AK3: variants seen among roughly 807,000 people sequenced by gnomAD.
AK3 encodes the protein adenylate kinase 3.
In AK3, 27 loss-of-function variants were observed where a neutral mutation model predicts 23.7. The ratio of observed to expected loss-of-function variants is 1.14; its 90% CI spans 0.84 to 1.57. The LOEUF (loss-of-function observed/expected upper bound fraction) is 1.57. Ranked by LOEUF, AK3 falls within the 40% of genes most tolerant of loss-of-function variation. AK3 has a pLI of 0.00. For missense variants in AK3, 406 were observed against 285.6 expected, an observed-to-expected ratio of 1.42 and a Z score of -3.04; for synonymous variants, 159 against 116.0, an observed-to-expected ratio of 1.37 and a Z score of -2.38.
Position 4,714,994 on chromosome 9 carries a change from G to T in AK3, c.564-1898C>A, listed in dbSNP as rs138693087. 4.9e-3 allele frequency among the ~76,000 whole-genome samples: 750 copies of T among 152,118 alleles called. 2 individuals are homozygous for T. The highest frequency in any genetic ancestry group is 0.017 in the African/African-American group (710 of 41,498). ...AGCACTTTGGGAGGCCAAGGAGGGT[G>T]GATCACTTGAGGTCAGGAGTTCAAG... On this transcript the variant is annotated intron_variant, in intron 4 of 4. Transcript: ENST00000381809.
chr9:4,729,530 G>C (rs1267711549), intron 1 of AK3, among the ~76,000 whole-genome samples: 2 of 151,894 alleles, frequency 1.3e-5, no homozygotes. Context: ...CTCGCTATAT[G>C]CCCATGAGAA....
At chr9:4,717,668 T>C (rs1323591017) in intron 4 of AK3, among the ~76,000 whole-genome samples, 2 of 152,226 alleles carry the variant, frequency 1.3e-5, no homozygotes, top group East Asian at 1.9e-4. Context: ...TGTACAACCA[T>C]CCTGCTTTTC....
chr9:4,740,882 G>T, intron 1 of AK3, 55 bp downstream of exon 1: 2 of 1,426,010 alleles, frequency 1.4e-6, no homozygotes, highest in Non-Finnish European at 9.2e-7. Flanking sequence ...CCCCTCGCCC[G>T]CGAAGTCCGA....
intron 2 of AK3, among the ~76,000 whole-genome samples, chr9:4,719,893 C>T (rs1841847318): frequency 1.3e-5 from 2 of 152,052 alleles, no homozygotes; most frequent in Admixed American, 1.3e-4. Flanking sequence ...TGGTGAAATC[C>T]CATCTCTACA....
Position 4,712,803 on chromosome 9 carries a change from A to G in AK3, c.*173T>C. ...TAGATGATTTCAAACGATGCATCTT[A>G]GTATCCGAATCATTTGGCACATCCT... On this transcript the variant is annotated 3_prime_UTR_variant, in exon 5 of 5. Coordinates refer to ENST00000381809, the MANE Select transcript of AK3 (RefSeq NM_016282.4). The G allele has an allele frequency of 1.6e-6, 1 of 641,128 alleles. No homozygotes were observed. The highest frequency in any genetic ancestry group is 2.5e-6 in the Non-Finnish European group (1 of 407,222). The allele number at this position is 641,128 out of a possible 1,614,324, so 39.7% of individuals were successfully genotyped here.
At chr9:4,714,983 C>T (rs1277245608) in intron 4 of AK3, among the ~76,000 whole-genome samples, 2 of 151,962 alleles carry the variant, frequency 1.3e-5, no homozygotes, top group African/African-American at 2.4e-5. Flanking sequence ...CTTTGGGAGG[C>T]CAAGGAGGGT....
intron 1 of AK3, among the ~76,000 whole-genome samples, chr9:4,730,296 A>G (rs1842123174): frequency 6.6e-6 from 1 of 152,210 alleles, no homozygotes; most frequent in Non-Finnish European, 1.5e-5. Flanking sequence ...AAACCACTGA[A>G]TCATACACTT....
intron 1 of AK3, among the ~76,000 whole-genome samples, chr9:4,734,546 A>C (rs1183885607): frequency 1.3e-5 from 2 of 152,220 alleles, no homozygotes; most frequent in Admixed American, 1.3e-4. Context: ...AGATGGAGAG[A>C]CAAGCTCCCT....
At chr9:4,720,972 A>G (rs2130883963) in intron 2 of AK3, among the ~76,000 whole-genome samples, 1 of 152,164 alleles carries the variant, frequency 6.6e-6, no homozygotes, top group South Asian at 2.1e-4. Flanking sequence ...CACCCATGTA[A>G]TCCTACTCAT....
chr9:4,720,509 C>T (rs1841866731), intron 2 of AK3, among the ~76,000 whole-genome samples: 2 of 151,962 alleles, frequency 1.3e-5, no homozygotes, highest in African/African-American at 4.8e-5. Context: ...CATAGCAAGA[C>T]CCCTTCTCTA....
chr9:4,736,114 C>CAAA (rs771506489), intron 1 of AK3, among the ~76,000 whole-genome samples: 4 of 49,094 alleles, frequency 8.1e-5, no homozygotes, highest in Admixed American at 2.0e-4. Flanking sequence ...GACTCCATCT[C>CAAA]AAAAAAAAAA....
intron 1 of AK3, among the ~76,000 whole-genome samples, chr9:4,727,008 T>C (rs759976253): frequency 1.2e-4 from 18 of 152,140 alleles, no homozygotes; most frequent in Non-Finnish European, 1.9e-4. Context: ...AGTAATACTT[T>C]CAAACGAATC....
intron 1 of AK3, among the ~76,000 whole-genome samples, chr9:4,740,497 A>G (rs2130921719): frequency 6.6e-6 from 1 of 152,316 alleles, no homozygotes; most frequent in South Asian, 2.1e-4. Context: ...ACCACACCAA[A>G]AAAGAAAGAG....
chr9:4,740,806 C>G, intron 1 of AK3, 131 bp downstream of exon 1: 1 of 1,182,492 alleles, frequency 8.5e-7, no homozygotes, highest in Non-Finnish European at 1.1e-6. Context: ...AGCCCGAGGT[C>G]TCTGTCCCGG....
chr9:4,737,459 T>G (rs1842323298), intron 1 of AK3, among the ~76,000 whole-genome samples: 1 of 152,136 alleles, frequency 6.6e-6, no homozygotes, highest in Non-Finnish European at 1.5e-5. Context: ...TCCTCATCTC[T>G]AAAAGAGAGG....
intron 4 of AK3, among the ~76,000 whole-genome samples, chr9:4,714,345 T>G (rs1841663425): frequency 6.6e-6 from 1 of 152,210 alleles, no homozygotes; most frequent in African/African-American, 2.4e-5. Context: ...TTTCAGGGCT[T>G]TCACTAAGGA....
rs1307125844 is a variant in AK3 at position 4,733,316 on chromosome 9, C to A, written c.151+7621G>T. 2.2e-5 allele frequency among the ~76,000 whole-genome samples: 3 copies of A among 139,516 alleles called. No individual in the cohort carries two copies. The Admixed American group carries it at 2.3e-4, about 11-fold the overall frequency. 91.5% of individuals were successfully genotyped at this position (139,516 alleles called of 152,430 possible). ...GGAAATTAGTTAAATGATAGCTTTA[C>A]ACCCAATCAAGGGCTTTAAAAAAAA... On this transcript the variant is annotated intron_variant, in intron 1 of 4. Transcript: ENST00000381809.
intron 4 of AK3, among the ~76,000 whole-genome samples, chr9:4,716,216 A>G (rs1006609212): frequency 6.6e-5 from 10 of 152,222 alleles, no homozygotes; most frequent in Admixed American, 1.3e-4. Flanking sequence ...ATATAAGCAC[A>G]TATCATATTG....
chr9:4,736,971 C>A (rs556192516), intron 1 of AK3, among the ~76,000 whole-genome samples: 6 of 152,172 alleles, frequency 3.9e-5, no homozygotes, highest in Non-Finnish European at 5.9e-5. Context: ...AGCCACCACA[C>A]CTAGCCAGGG....
Sources: allele counts gnomAD v4.1 joint callset (sites outside exome capture counted in the v4.1 genomes callset), GRCh38; gene constraint gnomAD v4.1.1; transcripts MANE v1.5; gene names NCBI Gene and HGNC (gene_info 2026-07-23, HGNC 2026-07-21).